The following EPC1 variants were observed in gnomAD, a reference collection of about 807,000 sequenced individuals.
EPC1 encodes the protein enhancer of polycomb homolog 1.
A neutral mutation model predicts 98.4 loss-of-function variants in EPC1; 12 were observed. The ratio of observed to expected loss-of-function variants is 0.12; its 90% confidence interval spans 0.08 to 0.20. The LOEUF (loss-of-function observed/expected upper bound fraction) is 0.20, where lower values mean the gene tolerates loss of function less well. EPC1 is among the 10% of genes least tolerant of loss of function. The pLI is 1.00. For synonymous variants in EPC1, 357 were observed against 363.9 expected, an observed-to-expected ratio of 0.98 and a Z score of 0.21; for missense variants, 729 against 990.5, an observed-to-expected ratio of 0.74 and a Z score of 3.54.
chr10:32,292,432 T>G, intron 5 of EPC1, 64 bp downstream of exon 5: 1 of 1,190,778 alleles, frequency 8.4e-7, no homozygotes, highest in Non-Finnish European at 1.1e-6. Context: ...GGAAATAAAT[T>G]AACTCAATAT....
chr10:32,353,050 G>A (rs1258823674), intron 1 of EPC1, among the ~76,000 whole-genome samples: 1 of 151,798 alleles, frequency 6.6e-6, no homozygotes, highest in Non-Finnish European at 1.5e-5. Flanking sequence ...AGCTACTCAG[G>A]AGGCTGAGGC....
In EPC1 at chr10:32,364,001, C is replaced by CCTTTTTTTTTTTTTTTT. The variant is rs770520611; in HGVS notation, c.3+14489_3+14490insAAAAAAAAAAAAAAAAG. On this transcript the variant is annotated intron_variant, in intron 1 of 13. Transcript: ENST00000375110. ...AATAGTATCGTGTCCATCATGTTGG[C>CCTTTTTTTTTTTTTTTT]ATTTTTTTTTTTTTTTTTTTTTTTT... 1.8e-4 allele frequency among the ~76,000 whole-genome samples: 11 copies of CCTTTTTTTTTTTTTTTT among 61,840 alleles called. 5 individuals carry two copies. Among genetic ancestry groups the CCTTTTTTTTTTTTTTTT allele is most frequent in the Non-Finnish European group, 1.8e-4 (6 of 32,534 alleles). The allele number at this position is 61,840 out of a possible 152,430, so 40.6% of individuals were successfully genotyped here.
rs1426190409 is a variant in EPC1 at position 32,301,079 on chromosome 10, TA to T, written c.313+4692del. Reference sequence around the variant, plus strand: ...CTATCTATCTATCTATCTATCTATCTATCTATCTATCTGCCTGCCTACCTAC... The same window carrying T: ...CTATCTATCTATCTATCTATCTATCTTCTATCTATCTGCCTGCCTACCTAC... On this transcript the variant is annotated intron_variant, in intron 2 of 13. Transcript: ENST00000319778. Among the ~76,000 whole-genome samples the T allele has an allele frequency of 2.9e-3, 439 of 152,148 alleles. 1 individual carries two copies. The highest frequency in any genetic ancestry group is 9.9e-3 in the African/African-American group (410 of 41,468).
intron 1 of EPC1, among the ~76,000 whole-genome samples, chr10:32,312,269 GGCT>G (rs1836283737): frequency 6.6e-6 from 1 of 152,154 alleles, no homozygotes; most frequent in Non-Finnish European, 1.5e-5. Flanking sequence ...AGAGCACCTT[GGCT>G]GCTATGTAGT....
chr10:32,365,710 T>G (rs190559984), intron 1 of EPC1, among the ~76,000 whole-genome samples: 1 of 147,900 alleles, frequency 6.8e-6, no homozygotes, highest in African/African-American at 2.5e-5. Context: ...TCTCTGCTAT[T>G]TGGGGGGCCG....
intron 2 of EPC1, among the ~76,000 whole-genome samples, chr10:32,301,102 C>G (rs1234439793): frequency 6.6e-6 from 1 of 152,026 alleles, no homozygotes; most frequent in East Asian, 1.9e-4. Flanking sequence ...GCCTGCCTAC[C>G]TACCTACGTA....
chr10:32,275,261 A>G (rs1214011943), intron 10 of EPC1, among the ~76,000 whole-genome samples: 1 of 152,246 alleles, frequency 6.6e-6, no homozygotes, highest in Non-Finnish European at 1.5e-5. Flanking sequence ...TTAACATCTT[A>G]ATCCTGAGTC....
intron 2 of EPC1, among the ~76,000 whole-genome samples, chr10:32,300,392 GC>G (rs899516405): frequency 8.1e-5 from 11 of 135,408 alleles, no homozygotes; most frequent in African/African-American, 2.8e-4. Context: ...TTTCCCTCCC[GC>G]CCCCGCTCCT....
In EPC1 at chr10:32,273,271, G is replaced by A. The variant is rs1835925354; in HGVS notation, c.1755C>T (p.Ala585=). 1 of 1,613,750 alleles carries A rather than the reference G, an allele frequency of 6.2e-7. No individual in the cohort carries two copies. The highest frequency in any genetic ancestry group is 1.3e-5 in the African/African-American group (1 of 74,902). ...SSGSAHFAFT[A]EQYQQHQQQL... ...GCTGTTGATGTTGCTGGTATTGTTCGGCTGTAAATGCTGAACATAAAATAA... is the reference window on the plus strand; with the variant it reads ...GCTGTTGATGTTGCTGGTATTGTTCAGCTGTAAATGCTGAACATAAAATAA... Residue 585 remains alanine (A), a synonymous_variant, in exon 11 of 14, where the codon GCC becomes GCT. Transcript: ENST00000319778.
chr10:32,298,723 G>A (rs1463716386), intron 2 of EPC1, among the ~76,000 whole-genome samples: 1 of 152,170 alleles, frequency 6.6e-6, no homozygotes, highest in Non-Finnish European at 1.5e-5. Flanking sequence ...AGCGAAAATG[G>A]TGAATATTAG....
chr10:32,346,742 G>A lies in EPC1; in HGVS notation c.153+21C>T, dbSNP rs374914154. ...AGGGAGCGGGCCTGACGGTGGGTCGGACAGGGGAGTTAACACGTACCGACT... is the reference window on the plus strand; with the variant it reads ...AGGGAGCGGGCCTGACGGTGGGTCGAACAGGGGAGTTAACACGTACCGACT... On this transcript the variant is annotated intron_variant, in intron 1 of 13. Transcript: ENST00000319778. The A allele has an allele frequency of 1.4e-5, 23 of 1,611,202 alleles. No individual in the cohort carries two copies. The African/African-American group carries it at 1.9e-4, about 13-fold the overall frequency.
At chr10:32,291,566 T>C (rs1028846653) in intron 5 of EPC1, 13 of 283,916 alleles carry the variant, frequency 4.6e-5, no homozygotes, top group Non-Finnish European at 7.9e-5. Flanking sequence ...AATGTATTCA[T>C]TTCATAACTG....
At chr10:32,280,693 A>C (rs751863511) in intron 10 of EPC1, among the ~76,000 whole-genome samples, 13 of 152,086 alleles carry the variant, frequency 8.5e-5, no homozygotes, top group Non-Finnish European at 1.2e-4. Context: ...AGCTGAGATC[A>C]TGCCACTGCA....
intron 1 of EPC1, among the ~76,000 whole-genome samples, chr10:32,373,586 T>C (rs1470170383): frequency 6.6e-6 from 1 of 152,176 alleles, no homozygotes; most frequent in East Asian, 1.9e-4. Flanking sequence ...CCTACAAACC[T>C]GGCCAATGAG....
At chr10:32,282,410 C>T (rs1018614953) in intron 10 of EPC1, 1 of 152,230 alleles carries the variant, frequency 6.6e-6, no homozygotes, top group African/African-American at 2.4e-5. Context: ...GTCCTAGCTA[C>T]CCAGGAGGCT....
At chr10:32,362,357 T>A (rs540009515) in intron 1 of EPC1, among the ~76,000 whole-genome samples, 3 of 152,164 alleles carry the variant, frequency 2.0e-5, no homozygotes, top group Admixed American at 1.3e-4. Flanking sequence ...AGGGGGTGGA[T>A]TTCTCATGAA....
chr10:32,338,919 C>G (rs1056408352), intron 1 of EPC1, among the ~76,000 whole-genome samples: 2 of 147,864 alleles, frequency 1.4e-5, no homozygotes, highest in Admixed American at 6.8e-5. Context: ...GCCTGGGCAA[C>G]AGAGGGAGAC....
upstream of EPC1, among the ~76,000 whole-genome samples, chr10:32,351,921 A>ACAGG (rs1839123561): frequency 6.8e-6 from 1 of 147,878 alleles, no homozygotes; most frequent in East Asian, 2.1e-4. Context: ...TTTAGTAAGG[A>ACAGG]CAGGGTTTCA....
intron 6 of EPC1, among the ~76,000 whole-genome samples, chr10:32,289,867 G>A (rs759935591): frequency 2.0e-5 from 3 of 151,902 alleles, no homozygotes; most frequent in Admixed American, 1.3e-4. Flanking sequence ...CTTGTGATCC[G>A]CCTGCCTCGG....
Sources: allele counts gnomAD v4.1 joint callset (sites outside exome capture counted in the v4.1 genomes callset), GRCh38; gene constraint gnomAD v4.1.1; transcripts MANE v1.5; gene names NCBI Gene and HGNC (gene_info 2026-07-23, HGNC 2026-07-21).